The following WBP4 variants were observed in gnomAD, a reference collection of about 807,000 sequenced individuals.
WBP4 encodes WW domain-binding protein 4.
A neutral mutation model predicts 55.4 loss-of-function variants in WBP4; 37 were observed. The ratio of observed to expected loss-of-function variants is 0.67; its 90% CI spans 0.51 to 0.88. The LOEUF (loss-of-function observed/expected upper bound fraction) is 0.88. Among genes scored for constraint, WBP4 ranks in the 40% least tolerant of loss-of-function variants. The pLI is 0.00. For synonymous variants in WBP4, 142 were observed against 140.2 expected (o/e 1.01, Z -0.09); for missense variants, 398 against 420.8 (o/e 0.95, Z 0.47).
At chr13:41,068,195 A>G (rs1295569614) in intron 4 of WBP4, among the ~76,000 whole-genome samples, 1 of 152,086 alleles carries the variant, frequency 6.6e-6, no homozygotes, top group Admixed American at 6.5e-5. Flanking sequence ...TCTTTTTTTA[A>G]TGATCTGTCT....
Position 41,076,149 on chromosome 13 carries a change from C to G in WBP4, c.668C>G (p.Ser223Ter). 1.2e-6 allele frequency: 2 copies of G among 1,613,136 alleles called. No individual in the cohort carries two copies. Among genetic ancestry groups the G allele is most frequent in the Non-Finnish European group, 1.7e-6 (2 of 1,179,928 alleles). The change falls in exon 8 of 10, where the codon TCA becomes TGA. Residue 223 changes from serine to a stop codon, truncating the protein, a stop_gained. Transcript: ENST00000379487. LOFTEE classifies it high-confidence loss of function. ...SLGTLDESKS[S>*]DSHSDSDGEQ... Reference sequence around the variant, plus strand: ...GGCACCCTAGATGAATCCAAATCATCAGATTCGCATAGTGATTCTGATGGG... The same window carrying G: ...GGCACCCTAGATGAATCCAAATCATGAGATTCGCATAGTGATTCTGATGGG...
At position 41,065,050 on chromosome 13, in the gene WBP4, A is replaced by T. The variant is rs1388317529; in HGVS notation, c.110A>T (p.Lys37Met). 1 of 1,594,180 alleles carries T rather than the reference A, an allele frequency of 6.3e-7. No individual in the cohort carries two copies. The highest frequency in any genetic ancestry group is 8.5e-7 in the Non-Finnish European group (1 of 1,175,098). ...VEFHERGKNH[K>M]ENVAKRISEI... is the part of the protein sequence containing the mutation. ...TTTCATGAAAGAGGAAAGAATCATA[A>T]GGAAAATGTGGCAAAAAGGATCAGT... The change falls in exon 3 of 10, where the codon AAG (lysine) becomes ATG (methionine). Residue 37 changes from lysine (K) to methionine (M), a missense_variant. By Grantham distance (95) the Lys-to-Met change is moderately conservative. Transcript: ENST00000379487.
chr13:41,083,256 A>G lies in WBP4; in HGVS notation c.*342A>G. 5.1e-6 allele frequency: 1 copy of G among 194,506 alleles called. No homozygotes were observed. The highest frequency in any genetic ancestry group is 1.2e-4 in the East Asian group (1 of 8,034). The allele number at this position is 194,506 out of a possible 1,614,324, so 12.0% of individuals were successfully genotyped here. On this transcript the variant is annotated 3_prime_UTR_variant, in exon 10 of 10. Coordinates refer to ENST00000379487, the MANE Select transcript of WBP4 (RefSeq NM_007187.5). Reference sequence around the variant, plus strand: ...AAGAGCATATTTATCCTGCATTGAAAATGCATTACTTTTGCACATTGATAT... The same window carrying G: ...AAGAGCATATTTATCCTGCATTGAAGATGCATTACTTTTGCACATTGATAT...
intron 1 of WBP4, chr13:41,062,195 T>C: frequency 2.0e-6 from 2 of 984,212 alleles, no homozygotes; most frequent in Non-Finnish European, 2.4e-6. Context: ...CAGTTTGTTT[T>C]AACTGAGAGT....
At chr13:41,068,070 G>T (rs963459787) in intron 4 of WBP4, among the ~76,000 whole-genome samples, 1 of 151,778 alleles carries the variant, frequency 6.6e-6, no homozygotes, top group African/African-American at 2.4e-5. Context: ...ATAGATGTAG[G>T]GGGTACAAGT....
intron 8 of WBP4, among the ~76,000 whole-genome samples, chr13:41,076,469 A>T (rs1358743171): frequency 6.6e-6 from 1 of 151,800 alleles, no homozygotes; most frequent in Non-Finnish European, 1.5e-5. Flanking sequence ...TAGTAGAGAC[A>T]GGGTTTTACC....
chr13:41,082,130 G>A (rs1032818990), intron 9 of WBP4, among the ~76,000 whole-genome samples: 1 of 152,140 alleles, frequency 6.6e-6, no homozygotes, highest in African/African-American at 2.4e-5. Flanking sequence ...TAGCAAAGGA[G>A]TGCTAGGCAT....
At chr13:41,062,932 G>T (rs886621634) in intron 2 of WBP4, among the ~76,000 whole-genome samples, 1 of 151,964 alleles carries the variant, frequency 6.6e-6, no homozygotes, top group African/African-American at 2.4e-5. Context: ...TTATTTCTCT[G>T]TGGCCTTTTG....
At chr13:41,068,810 G>T in intron 5 of WBP4, 73 bp downstream of exon 5, 1 of 1,385,848 alleles carries the variant, frequency 7.2e-7, no homozygotes, top group Non-Finnish European at 9.5e-7. Flanking sequence ...TTTATGTTAG[G>T]ATTTTTATCT....
chr13:41,070,309 G>A (rs528705741), intron 5 of WBP4, among the ~76,000 whole-genome samples: 1 of 152,114 alleles, frequency 6.6e-6, no homozygotes, highest in South Asian at 2.1e-4. Context: ...TAGACACTCT[G>A]TGTTTTGATT....
In WBP4 at chr13:41,080,732, TGAA is replaced by T; in HGVS notation, c.847_849del (p.Glu283del). The T allele has an allele frequency of 1.9e-6, 3 of 1,607,844 alleles. No homozygotes were observed. Among genetic ancestry groups the T allele is most frequent in the Non-Finnish European group, 2.5e-6 (3 of 1,178,628 alleles). On this transcript the variant is annotated inframe_deletion, in exon 9 of 10. Coordinates refer to ENST00000379487, the MANE Select transcript of WBP4 (RefSeq NM_007187.5). ...AGAAACAGAATTCATTAGGTTCAAA[TGAA>T]GAAAAATCGAAAACTCTTAAGAAAT...
intron 2 of WBP4, 59 bp from the exon 3 acceptor site, chr13:41,064,957 T>A (rs1877882645): frequency 1.4e-6 from 2 of 1,397,610 alleles, no homozygotes; most frequent in Admixed American, 5.2e-5. Flanking sequence ...TTATGTTTAC[T>A]ATGAATTTTA....
intron 6 of WBP4, among the ~76,000 whole-genome samples, chr13:41,071,807 C>T (rs2138471154): frequency 6.6e-6 from 1 of 152,120 alleles, no homozygotes; most frequent in South Asian, 2.1e-4. Context: ...CTTTGGGAGG[C>T]TGAGGCATGT....
chr13:41,061,768 C>A (rs1289343874), intron 1 of WBP4, 93 bp downstream of exon 1: 21 of 1,581,010 alleles, frequency 1.3e-5, no homozygotes, highest in Non-Finnish European at 1.7e-5. Flanking sequence ...TCCCGCCCTT[C>A]GGCCGGGGGC....
chr13:41,074,951 C>T (rs557891627), intron 7 of WBP4, among the ~76,000 whole-genome samples: 6 of 152,108 alleles, frequency 3.9e-5, no homozygotes, highest in African/African-American at 7.2e-5. Flanking sequence ...GCTGAGATCA[C>T]GCCAAATAAA....
intron 7 of WBP4, among the ~76,000 whole-genome samples, chr13:41,074,599 C>G (rs960317351): frequency 2.0e-5 from 3 of 152,206 alleles, no homozygotes; most frequent in Non-Finnish European, 4.4e-5. Flanking sequence ...CCTATAGTCA[C>G]TCTTCAGTGA....
chr13:41,080,921 C>G, intron 9 of WBP4, 112 bp downstream of exon 9: 1 of 1,211,504 alleles, frequency 8.3e-7, no homozygotes. Flanking sequence ...AAAAGTATAG[C>G]TTGAGGCCAG....
intron 7 of WBP4, 134 bp downstream of exon 7, chr13:41,072,991 T>A (rs1878317707): frequency 1.5e-6 from 1 of 652,476 alleles, no homozygotes; most frequent in East Asian, 3.1e-5. Flanking sequence ...ATGAATTATT[T>A]TTTGTAATTT....
chr13:41,062,078 GC>G, intron 1 of WBP4: 1 of 921,506 alleles, frequency 1.1e-6, no homozygotes. Flanking sequence ...GAAGCGGCCA[GC>G]CCTGGATAGC....
Sources: gnomAD v4.1 joint callset for allele counts (sites outside exome capture counted in the v4.1 genomes callset) on GRCh38, gnomAD v4.1.1 for gene constraint, MANE v1.5 for transcripts, NCBI Gene and HGNC (gene_info 2026-07-23, HGNC 2026-07-21) for gene names.